Variants in TRIM8 observed in about 807,000 individuals in gnomAD.
TRIM8 encodes tripartite motif containing 8.
Under a neutral mutation model 55.7 loss-of-function variants are expected in TRIM8, and 9 were observed. The ratio of observed to expected loss-of-function variants is 0.16; its 90% confidence interval spans 0.10 to 0.28. The LOEUF (loss-of-function observed/expected upper bound fraction) is 0.28, where lower values mean the gene tolerates loss of function less well. Among genes scored for constraint, TRIM8 ranks in the 10% least tolerant of loss-of-function variants. TRIM8 has a pLI of 1.00. For synonymous variants in TRIM8, 335 were observed against 333.3 expected (o/e 1.01, Z -0.06); for missense variants, 556 against 736.4 (o/e 0.76, Z 2.83).
intron 1 of TRIM8, among the ~76,000 whole-genome samples, chr10:102,650,027 C>CCTCCCTGCCCTGCCG: frequency 6.6e-6 from 1 of 151,992 alleles, no homozygotes; most frequent in Admixed American, 6.6e-5. Context: ...TCTTCTTGCC[C>CCTCCCTGCCCTGCCG]CTCCCACCAC....
chr10:102,656,823 A>G lies in TRIM8; in HGVS notation c.1125A>G (p.Glu375=), dbSNP rs1363545682. ...GCGGCGTGAGCAGCTCTGGGGCGGA[A>G]AAGCGCAAGCACTCAACGGCCTTCC... ...YPCGVSSSGA[E]KRKHSTAFPE... Residue 375 remains glutamate, a synonymous_variant, in exon 6 of 6, where the codon GAA becomes GAG. Coordinates refer to ENST00000643721, the MANE Select transcript of TRIM8 (RefSeq NM_030912.3). The surrounding 1 kb of genome is among the most constrained non-coding windows in gnomAD (Gnocchi z 4.6). 1 of 1,530,966 alleles carries G rather than the reference A, an allele frequency of 6.5e-7. No individual in the cohort carries two copies. Among genetic ancestry groups the G allele is most frequent in the Non-Finnish European group, 8.8e-7 (1 of 1,140,798 alleles). The allele number at this position is 1,530,966 out of a possible 1,614,324, so 94.8% of individuals were successfully genotyped here.
At chr10:102,655,532 C>G (rs1490350452) in intron 3 of TRIM8, among the ~76,000 whole-genome samples, 2 of 152,186 alleles carry the variant, frequency 1.3e-5, no homozygotes, top group African/African-American at 2.4e-5. Context: ...GTTGATGATA[C>G]AGGTCTACTA....
chr10:102,656,041 C>T lies in TRIM8; in HGVS notation c.901-65C>T. 6.2e-7 allele frequency: 1 copy of T among 1,612,206 alleles called. No homozygotes were observed. On this transcript the variant is annotated intron_variant, in intron 3 of 5. Transcript: ENST00000643721. The surrounding 1 kb of genome is among the most constrained non-coding windows in gnomAD (Gnocchi z 4.6). Reference sequence around the variant, plus strand: ...CTCAGGGGGGGCAGCTTTTGTCTTCCCCTCTCCCCGGGCTCTCCCTGGACT... The same window carrying T: ...CTCAGGGGGGGCAGCTTTTGTCTTCTCCTCTCCCCGGGCTCTCCCTGGACT...
chr10:102,644,588 G>A lies in TRIM8; in HGVS notation c.-30G>A. 1 of 1,600,794 alleles carries A rather than the reference G, an allele frequency of 6.2e-7. No individual in the cohort carries two copies. Among genetic ancestry groups the A allele is most frequent in the Non-Finnish European group, 8.5e-7 (1 of 1,174,692 alleles). On this transcript the variant is annotated 5_prime_UTR_variant, in exon 1 of 6. Coordinates refer to ENST00000643721, the MANE Select transcript of TRIM8 (RefSeq NM_030912.3). ...CCCCCGGGGCTGGGGAGTCGGGGAG[G>A]CCTGCCCCGGCCCCCTGCCCGCGGC...
At chr10:102,648,958 G>A (rs994439753) in intron 1 of TRIM8, among the ~76,000 whole-genome samples, 3 of 152,072 alleles carry the variant, frequency 2.0e-5, no homozygotes, top group Admixed American at 2.0e-4. Flanking sequence ...ACATGGCCAG[G>A]CACCTGTCAT....
rs1309399942 is a variant in TRIM8 at position 102,656,183 on chromosome 10, G to T, written c.932+46G>T. 6.2e-7 allele frequency: 1 copy of T among 1,614,134 alleles called. No individual in the cohort carries two copies. The highest frequency in any genetic ancestry group is 8.5e-7 in the Non-Finnish European group (1 of 1,180,012). Reference sequence around the variant, plus strand: ...CTCCCGGGGGCACATCCTGGGGAGGGCAGGGGGGCCAGGCCCATGGCGGGG... The same window carrying T: ...CTCCCGGGGGCACATCCTGGGGAGGTCAGGGGGGCCAGGCCCATGGCGGGG... On this transcript the variant is annotated intron_variant, in intron 4 of 5. Transcript: ENST00000643721. This position sits in a 1 kb window ranked among gnomAD's most constrained non-coding sequence, Gnocchi z 4.6.
chr10:102,657,094 C>G lies in TRIM8; in HGVS notation c.1396C>G (p.Leu466Val), dbSNP rs1240515371. The change falls in exon 6 of 6, where the codon CTC becomes GTC. Residue 466 changes from leucine to valine, a missense_variant. Leu to Val is a conservative substitution (Grantham distance 32). Around this residue, in one of 2 missense-constraint regions of TRIM8, gnomAD observed 391 missense variants for 441.0 expected, o/e 0.89. Coordinates refer to ENST00000643721, the MANE Select transcript of TRIM8 (RefSeq NM_030912.3). The stretch of plus-strand genomic sequence containing the variant: ...CCCCCAGTATGGCGGCCGCAAGATT[C>G]TCGTCTGTTCTGTGGACAACTGTTA... ...MLPQYGGRKI[L>V]VCSVDNCYCS... 4 of 1,613,700 alleles carry G rather than the reference C, an allele frequency of 2.5e-6. No homozygotes were observed. Among genetic ancestry groups the G allele is most frequent in the Non-Finnish European group, 2.5e-6 (3 of 1,180,016 alleles).
At chr10:102,646,171 C>T (rs996398090) in intron 1 of TRIM8, among the ~76,000 whole-genome samples, 1 of 152,162 alleles carries the variant, frequency 6.6e-6, no homozygotes, top group Non-Finnish European at 1.5e-5. Flanking sequence ...ACTTCCGTCC[C>T]CTTCAGTGGA....
intron 1 of TRIM8, among the ~76,000 whole-genome samples, chr10:102,652,186 C>T (rs1020143357): frequency 3.9e-5 from 6 of 152,190 alleles, no homozygotes; most frequent in African/African-American, 1.4e-4. Context: ...GAAAGCCTCA[C>T]CCCCACACTT....
rs1405581138 is a variant in TRIM8, at chr10:102,657,383, A to G, written c.*29A>G. ...CACGCAGGCGGCGGGGCGCTGGGGA[A>G]TCTTCCTCCCCAGCCCCCGGGCTCG... On this transcript the variant is annotated 3_prime_UTR_variant, in exon 6 of 6. Coordinates refer to ENST00000643721, the MANE Select transcript of TRIM8 (RefSeq NM_030912.3). 6.5e-7 allele frequency: 1 copy of G among 1,528,614 alleles called. No homozygotes were observed. Among genetic ancestry groups the G allele is most frequent in the Non-Finnish European group, 8.8e-7 (1 of 1,136,364 alleles). 94.7% of individuals were successfully genotyped at this position (1,528,614 alleles called of 1,614,324 possible). A position where few individuals can be genotyped will look rare whatever the true frequency, so the allele number is the denominator to read the frequency against.
intron 1 of TRIM8, 65 bp downstream of exon 1, chr10:102,645,252 C>A (rs944572385): frequency 2.8e-5 from 39 of 1,415,716 alleles, no homozygotes; most frequent in African/African-American, 4.5e-5. Flanking sequence ...TCCTCTCTCC[C>A]GCCCCGGGAC....
Position 102,644,594 on chromosome 10 carries a change from C to G in TRIM8, c.-24C>G. On this transcript the variant is annotated 5_prime_UTR_variant, in exon 1 of 6. Coordinates refer to ENST00000643721, the MANE Select transcript of TRIM8 (RefSeq NM_030912.3). Reference sequence around the variant, plus strand: ...GGGCTGGGGAGTCGGGGAGGCCTGCCCCGGCCCCCTGCCCGCGGCCGCCAT... The same window carrying G: ...GGGCTGGGGAGTCGGGGAGGCCTGCGCCGGCCCCCTGCCCGCGGCCGCCAT... The G allele has an allele frequency of 6.2e-7, 1 of 1,605,838 alleles. No individual in the cohort carries two copies. Among genetic ancestry groups the G allele is most frequent in the Non-Finnish European group, 8.5e-7 (1 of 1,176,992 alleles).
At chr10:102,650,853 C>T (rs1021138581) in intron 1 of TRIM8, among the ~76,000 whole-genome samples, 1 of 152,156 alleles carries the variant, frequency 6.6e-6, no homozygotes, top group African/African-American at 2.4e-5. Context: ...TCCTCTGCTC[C>T]CTGTTTTCCA....
intron 1 of TRIM8, among the ~76,000 whole-genome samples, chr10:102,647,084 G>A (rs1176862159): frequency 6.6e-6 from 1 of 152,228 alleles, no homozygotes; most frequent in East Asian, 1.9e-4. Context: ...TGTCTCTACA[G>A]TTCAGGGCAC....
In TRIM8 at chr10:102,657,402, G is replaced by T. The variant is rs375140175; in HGVS notation, c.*48G>T. ...TGGGGAATCTTCCTCCCCAGCCCCC[G>T]GGCTCGGGAGTTATGCATCCAGAGA... is the stretch of plus-strand genomic sequence containing the variant. On this transcript the variant is annotated 3_prime_UTR_variant, in exon 6 of 6. Coordinates refer to ENST00000643721, the MANE Select transcript of TRIM8 (RefSeq NM_030912.3). The T allele has an allele frequency of 1.9e-5, 29 of 1,516,716 alleles. No individual in the cohort carries two copies. In the Admixed American group the frequency reaches 6.2e-4, roughly 32 times the overall value. The allele number at this position is 1,516,716 out of a possible 1,614,324, so 94.0% of individuals were successfully genotyped here.
At chr10:102,649,051 T>TGC (rs971451066) in intron 1 of TRIM8, among the ~76,000 whole-genome samples, 1 of 150,876 alleles carries the variant, frequency 6.6e-6, no homozygotes, top group African/African-American at 2.5e-5. Context: ...TGTGTGTGTG[T>TGC]GTGCGTGCAT....
At chr10:102,648,650 G>A (rs1205566972) in intron 1 of TRIM8, among the ~76,000 whole-genome samples, 1 of 152,150 alleles carries the variant, frequency 6.6e-6, no homozygotes, top group Non-Finnish European at 1.5e-5. Flanking sequence ...CTGTCTCTGA[G>A]TACGCAGTGA....
Position 102,645,035 on chromosome 10 carries a change from G to T in TRIM8, c.418G>T (p.Val140Leu), listed in dbSNP as rs755362186. 6 of 1,592,318 alleles carry T rather than the reference G, an allele frequency of 3.8e-6. No individual in the cohort carries two copies. In the South Asian group the frequency reaches 4.4e-5, roughly 12 times the overall value. ...RGHLLVEADD[V>L]RAWSCPQHNA... is the part of the protein sequence containing the mutation. ...GCACCTCCTGGTGGAGGCGGACGACGTGCGGGCCTGGAGCTGCCCGCAGCA... is the reference window on the plus strand; with the variant it reads ...GCACCTCCTGGTGGAGGCGGACGACTTGCGGGCCTGGAGCTGCCCGCAGCA... Residue 140 changes from valine to leucine, a missense_variant, in exon 1 of 6, where the codon GTG becomes TTG. Coordinates refer to ENST00000643721, the MANE Select transcript of TRIM8 (RefSeq NM_030912.3).
rs2064038915 is a variant in TRIM8 at position 102,657,642 on chromosome 10, C to T, written c.*288C>T. The T allele has an allele frequency of 6.1e-6, 2 of 327,070 alleles. No homozygotes were observed. The highest frequency in any genetic ancestry group is 1.1e-5 in the Non-Finnish European group (2 of 179,068). 20.3% of individuals were successfully genotyped at this position (327,070 alleles called of 1,614,324 possible). A position where few individuals can be genotyped will look rare whatever the true frequency, so the allele number is the denominator to read the frequency against. On this transcript the variant is annotated 3_prime_UTR_variant, in exon 6 of 6. Transcript: ENST00000643721. The stretch of plus-strand genomic sequence containing the variant: ...TGTGTCGAGGCGCTGAGCTCTCTCT[C>T]TGTTTCTCCTTTTTTCCTCTACTCC...
Sources: allele counts gnomAD v4.1 joint callset (sites outside exome capture counted in the v4.1 genomes callset), GRCh38; gene constraint gnomAD v4.1.1; regional missense constraint gnomAD v4.1.1; non-coding constraint Gnocchi (gnomAD v3.1); transcripts MANE v1.5; gene names NCBI Gene and HGNC (gene_info 2026-07-23, HGNC 2026-07-21).